CPA6: variants seen among roughly 807,000 people sequenced by gnomAD.
The protein encoded by CPA6 is carboxypeptidase B.
A neutral mutation model predicts 63.3 loss-of-function variants in CPA6; 58 were observed. The observed-to-expected ratio is 0.92, with a 90% CI of 0.74 to 1.14. The LOEUF (loss-of-function observed/expected upper bound fraction) is 1.14, where lower values mean the gene tolerates loss of function less well. Among genes scored for constraint, CPA6 ranks in the 50% most tolerant of loss-of-function variants. The pLI is 0.00. For synonymous variants in CPA6, 185 were observed against 179.0 expected, an observed-to-expected ratio of 1.03 and a Z score of -0.27; for missense variants, 565 against 526.6, an observed-to-expected ratio of 1.07 and a Z score of -0.71.
chr8:67,431,100 GC>G (rs1365993616), intron 9 of CPA6, among the ~76,000 whole-genome samples: 1 of 152,084 alleles, frequency 6.6e-6, no homozygotes, highest in East Asian at 1.9e-4. Flanking sequence ...CTGGGCCCAA[GC>G]AATCCTCCAG....
intron 8 of CPA6, among the ~76,000 whole-genome samples, chr8:67,473,512 G>C (rs939294578): frequency 5.3e-5 from 8 of 152,304 alleles, no homozygotes; most frequent in African/African-American, 1.7e-4. Flanking sequence ...TAGATACAAA[G>C]TAGGAAATGA....
At chr8:67,651,577 G>A (rs1815838490) in intron 1 of CPA6, among the ~76,000 whole-genome samples, 1 of 151,974 alleles carries the variant, frequency 6.6e-6, no homozygotes, top group South Asian at 2.1e-4. Flanking sequence ...CATGAATCAT[G>A]TATTCACAAG....
intron 2 of CPA6, among the ~76,000 whole-genome samples, chr8:67,527,136 T>C (rs1812380279): frequency 6.6e-6 from 1 of 152,204 alleles, no homozygotes; most frequent in African/African-American, 2.4e-5. Context: ...GAGATTTTCC[T>C]CTACTGTCTT....
chr8:67,693,057 T>C (rs1377899183), intron 1 of CPA6, among the ~76,000 whole-genome samples: 1 of 152,188 alleles, frequency 6.6e-6, no homozygotes, highest in Non-Finnish European at 1.5e-5. Context: ...TGTACATCAC[T>C]AGTTATTAAG....
At chr8:67,468,543 G>A (rs370039498) in intron 8 of CPA6, among the ~76,000 whole-genome samples, 44 of 150,782 alleles carry the variant, frequency 2.9e-4, no homozygotes, top group East Asian at 1.9e-3. Flanking sequence ...CCGAGATCGC[G>A]TCATTGCACC....
intron 2 of CPA6, among the ~76,000 whole-genome samples, chr8:67,578,743 TA>T (rs556166146): frequency 1.3e-5 from 2 of 152,266 alleles, no homozygotes; most frequent in African/African-American, 4.8e-5. Flanking sequence ...ATTTACATAA[TA>T]AAAAAACATG....
intron 10 of CPA6, among the ~76,000 whole-genome samples, chr8:67,426,058 T>C (rs893724295): frequency 6.6e-6 from 1 of 151,876 alleles, no homozygotes; most frequent in African/African-American, 2.4e-5. Context: ...TACCTCTGCC[T>C]CCCTGATTCA....
chr8:67,611,511 C>A (rs1814806945), intron 2 of CPA6, among the ~76,000 whole-genome samples: 1 of 152,242 alleles, frequency 6.6e-6, no homozygotes, highest in East Asian at 1.9e-4. Context: ...ATCTCTGGAC[C>A]AGCAAAGGTG....
chr8:67,580,193 T>A (rs1813732858), intron 2 of CPA6, among the ~76,000 whole-genome samples: 1 of 152,206 alleles, frequency 6.6e-6, no homozygotes, highest in Non-Finnish European at 1.5e-5. Flanking sequence ...ACCCTCCCCC[T>A]TCTCTAATGC....
intron 1 of CPA6, among the ~76,000 whole-genome samples, chr8:67,726,564 T>C (rs1817600068): frequency 6.6e-6 from 1 of 152,180 alleles, no homozygotes; most frequent in Non-Finnish European, 1.5e-5. Context: ...GGAATACATA[T>C]GAAAGTGTAA....
intron 8 of CPA6, among the ~76,000 whole-genome samples, chr8:67,434,732 C>T (rs1220494211): frequency 1.4e-4 from 22 of 152,348 alleles, no homozygotes; most frequent in South Asian, 2.1e-4. Flanking sequence ...CAGCAGCAGG[C>T]GGACCTCCAG....
intron 1 of CPA6, 73 bp downstream of exon 1, chr8:67,745,941 G>A (rs1330972218): frequency 1.9e-6 from 2 of 1,042,230 alleles, no homozygotes; most frequent in Non-Finnish European, 1.4e-6. Context: ...GAAAAAGTGA[G>A]GCACACTCTG....
intron 7 of CPA6, 85 bp from the exon 8 acceptor site, chr8:67,483,943 G>A (rs1811415660): frequency 9.2e-7 from 1 of 1,091,138 alleles, no homozygotes; most frequent in South Asian, 1.3e-5. Context: ...CAATGAAAGA[G>A]TCATACCACT....
intron 2 of CPA6, among the ~76,000 whole-genome samples, chr8:67,573,123 A>C (rs7826053): frequency 0.58 from 88,544 of 152,126 alleles, 28,149 homozygotes; most frequent in African/African-American, 0.84. Flanking sequence ...AAATGTATAT[A>C]AACACAATAA....
At chr8:67,515,157 T>C (rs1485191175) in intron 3 of CPA6, among the ~76,000 whole-genome samples, 1 of 152,096 alleles carries the variant, frequency 6.6e-6, no homozygotes, top group East Asian at 1.9e-4. Context: ...TACAACAACC[T>C]GCTAAAAAGT....
intron 2 of CPA6, among the ~76,000 whole-genome samples, chr8:67,558,609 T>C (rs1182228125): frequency 6.6e-6 from 1 of 152,226 alleles, no homozygotes; most frequent in Non-Finnish European, 1.5e-5. Flanking sequence ...CAGTTTTCAT[T>C]GGATGAACCA....
intron 1 of CPA6, among the ~76,000 whole-genome samples, chr8:67,670,440 G>A (rs1174910944): frequency 1.3e-5 from 2 of 152,110 alleles, no homozygotes; most frequent in Non-Finnish European, 2.9e-5. Context: ...AACTCTGGGG[G>A]GCTTACAATT....
At chr8:67,624,047 T>G in intron 2 of CPA6, 129 bp downstream of exon 2, 1 of 541,764 alleles carries the variant, frequency 1.8e-6, no homozygotes, top group Non-Finnish European at 3.3e-6. Flanking sequence ...AAATAAAAGC[T>G]CTTTCAAGTT....
intron 2 of CPA6, among the ~76,000 whole-genome samples, chr8:67,600,588 C>T (rs1370560511): frequency 6.6e-6 from 1 of 152,072 alleles, no homozygotes; most frequent in African/African-American, 2.4e-5. Flanking sequence ...TTTCTCAAAA[C>T]ATCTTGTTGT....
Sources: gnomAD v4.1 joint callset for allele counts (sites outside exome capture counted in the v4.1 genomes callset) on GRCh38, gnomAD v4.1.1 for gene constraint, MANE v1.5 for transcripts, NCBI Gene and HGNC (gene_info 2026-07-23, HGNC 2026-07-21) for gene names.